ADAMTS19: variants seen among roughly 807,000 people sequenced by gnomAD.
ADAMTS19 encodes ADAM metallopeptidase with thrombospondin type 1 motif 19, also known as A disintegrin and metalloproteinase with thrombospondin motifs 19.
Under a neutral mutation model 153.3 loss-of-function variants are expected in ADAMTS19, and 93 were observed. The observed-to-expected ratio is 0.61, with a 90% CI of 0.51 to 0.72. The LOEUF is 0.72. ADAMTS19 is among the 30% of genes least tolerant of loss of function. The probability of loss-of-function intolerance (pLI) is 0.00; values close to 1 mark genes in which losing one functional copy is unlikely to be tolerated. For synonymous variants in ADAMTS19, 600 were observed against 556.6 expected (o/e 1.08, Z -1.10); for missense variants, 1,482 against 1,552.1 (o/e 0.95, Z 0.76).
At chr5:129,537,864 CATGTAT>C (rs1198570668) in intron 6 of ADAMTS19, among the ~76,000 whole-genome samples, 33 of 151,704 alleles carry the variant, frequency 2.2e-4, no homozygotes, top group Admixed American at 2.2e-3. Context: ...CAACATGGCA[CATGTAT>C]ATGTATGCAA....
At chr5:129,598,025 G>A (rs556478219) in intron 8 of ADAMTS19, among the ~76,000 whole-genome samples, 3 of 152,230 alleles carry the variant, frequency 2.0e-5, no homozygotes, top group East Asian at 3.9e-4. Context: ...TATTTTAATT[G>A]GACTCAGATT....
intron 12 of ADAMTS19, 101 bp from the exon 13 acceptor site, chr5:129,648,697 A>G (rs900423182): frequency 1.1e-6 from 1 of 873,056 alleles, no homozygotes; most frequent in African/African-American, 1.7e-5. Flanking sequence ...AGTAAATATA[A>G]TATAAGGGGT....
intron 11 of ADAMTS19, among the ~76,000 whole-genome samples, chr5:129,646,953 A>C (rs1753089765): frequency 6.6e-6 from 1 of 152,082 alleles, no homozygotes. Flanking sequence ...TGTCCCCCAA[A>C]TTCTAGCAAC....
chr5:129,617,955 T>A (rs1250459322), intron 8 of ADAMTS19, among the ~76,000 whole-genome samples: 1 of 152,038 alleles, frequency 6.6e-6, no homozygotes, highest in African/African-American at 2.4e-5. Flanking sequence ...GTATAGAGGA[T>A]CATTATGGTC....
chr5:129,580,173 T>C (rs1749440505), intron 7 of ADAMTS19, among the ~76,000 whole-genome samples: 1 of 152,234 alleles, frequency 6.6e-6, no homozygotes, highest in African/African-American at 2.4e-5. Context: ...GTTGTATTCC[T>C]AGGTATTTTA....
At chr5:129,507,521 G>C (rs1196740857) in intron 2 of ADAMTS19, among the ~76,000 whole-genome samples, 1 of 152,018 alleles carries the variant, frequency 6.6e-6, no homozygotes, top group African/African-American at 2.4e-5. Context: ...GAAAATGAAA[G>C]AACTTACTTG....
At chr5:129,530,178 A>G (rs1371222270) in intron 6 of ADAMTS19, among the ~76,000 whole-genome samples, 3 of 152,198 alleles carry the variant, frequency 2.0e-5, no homozygotes, top group African/African-American at 7.2e-5. Context: ...TATAATAAAA[A>G]TTAGTCAAGC....
chr5:129,707,925 A>G (rs1170622224), intron 21 of ADAMTS19, among the ~76,000 whole-genome samples: 1 of 152,186 alleles, frequency 6.6e-6, no homozygotes, highest in Middle Eastern at 3.2e-3. Flanking sequence ...AAGAAAATAC[A>G]TCCTTAGATT....
chr5:129,588,319 CTA>C (rs1415454638), intron 7 of ADAMTS19, among the ~76,000 whole-genome samples: 31 of 152,102 alleles, frequency 2.0e-4, no homozygotes, highest in African/African-American at 7.5e-4. Context: ...AATATTACCT[CTA>C]TGACGTTGTT....
chr5:129,539,184 G>A (rs1173030727), intron 6 of ADAMTS19, among the ~76,000 whole-genome samples: 1 of 151,970 alleles, frequency 6.6e-6, no homozygotes, highest in Admixed American at 6.6e-5. Context: ...CATGGCAAGG[G>A]GACTTTGCAA....
At chr5:129,557,518 T>G (rs1417186930) in intron 7 of ADAMTS19, among the ~76,000 whole-genome samples, 1 of 152,126 alleles carries the variant, frequency 6.6e-6, no homozygotes, top group Non-Finnish European at 1.5e-5. Context: ...GATGATCGCT[T>G]GAACCCAAAG....
chr5:129,536,298 G>A (rs563628113), intron 6 of ADAMTS19, among the ~76,000 whole-genome samples: 1,973 of 152,104 alleles, frequency 0.013, 36 homozygotes, highest in African/African-American at 0.044. Flanking sequence ...GCAGCCAAAA[G>A]ACACATGAAA....
At chr5:129,660,291 A>C (rs1753765372) in intron 15 of ADAMTS19, among the ~76,000 whole-genome samples, 1 of 152,176 alleles carries the variant, frequency 6.6e-6, no homozygotes, top group East Asian at 1.9e-4. Flanking sequence ...AAAAATAAAT[A>C]AATAAATACT....
intron 10 of ADAMTS19, among the ~76,000 whole-genome samples, chr5:129,634,268 C>G (rs1752434905): frequency 6.6e-6 from 1 of 152,088 alleles, no homozygotes; most frequent in African/African-American, 2.4e-5. Flanking sequence ...ATAGAAAATA[C>G]TGCTCAAAGT....
chr5:129,627,960 C>G (rs1435130075), intron 10 of ADAMTS19, among the ~76,000 whole-genome samples: 1 of 151,776 alleles, frequency 6.6e-6, no homozygotes, highest in Admixed American at 6.6e-5. Flanking sequence ...AGTATATACC[C>G]AAAGCAATAT....
intron 2 of ADAMTS19, among the ~76,000 whole-genome samples, chr5:129,482,268 G>A (rs1387682255): frequency 2.0e-5 from 3 of 151,696 alleles, no homozygotes; most frequent in Non-Finnish European, 2.9e-5. Flanking sequence ...CCTCTATCAC[G>A]CATAATTATT....
At chr5:129,675,274 ATTTG>A (rs1250132693) in intron 16 of ADAMTS19, among the ~76,000 whole-genome samples, 5 of 151,824 alleles carry the variant, frequency 3.3e-5, no homozygotes, top group Admixed American at 1.3e-4. Context: ...CATTTTTTAG[ATTTG>A]TTTATGTTTG....
At chr5:129,714,982 A>G (rs1254965251) in intron 21 of ADAMTS19, among the ~76,000 whole-genome samples, 5 of 152,164 alleles carry the variant, frequency 3.3e-5, no homozygotes, top group African/African-American at 1.2e-4. Flanking sequence ...AAAAAAATTT[A>G]TAGATAAATA....
At chr5:129,725,463 T>G (rs1044941660) in intron 21 of ADAMTS19, among the ~76,000 whole-genome samples, 2 of 152,004 alleles carry the variant, frequency 1.3e-5, no homozygotes, top group Admixed American at 1.3e-4. Flanking sequence ...CTAATATTCC[T>G]AGGAGGTCAT....
Sources: gnomAD v4.1 joint callset for allele counts (sites outside exome capture counted in the v4.1 genomes callset) on GRCh38, gnomAD v4.1.1 for gene constraint, MANE v1.5 for transcripts, NCBI Gene and HGNC (gene_info 2026-07-23, HGNC 2026-07-21) for gene names.